The following FRMPD4 variants were observed in gnomAD, a reference collection of about 807,000 sequenced individuals.
FRMPD4 encodes FERM and PDZ domain containing 4.
In FRMPD4, 22 loss-of-function variants were observed where a neutral mutation model predicts 94.1. That is an observed-to-expected ratio of 0.23 (90% CI 0.17 to 0.33). The LOEUF is 0.33. Ranked by LOEUF, FRMPD4 falls within the 10% of genes least tolerant of loss-of-function variation. The pLI, the probability that FRMPD4 is intolerant of heterozygous loss-of-function variation, is 1.00. For missense variants in FRMPD4, 1,111 were observed against 1,339.9 expected, an observed-to-expected ratio of 0.83 and a Z score of 2.67; for synonymous variants, 631 against 548.6, an observed-to-expected ratio of 1.15 and a Z score of -2.10.
intron 1 of FRMPD4, among the ~76,000 whole-genome samples, chrX:12,416,160 T>C (rs780021183): frequency 3.6e-5 from 4 of 110,255 alleles, no homozygotes; most frequent in African/African-American, 1.3e-4. Context: ...TGTTTCTTTT[T>C]CTCCTCCCTT....
At position 12,613,664 on chromosome X, in the gene FRMPD4, A is replaced by C. The variant is rs778975513; in HGVS notation, c.320-1115A>C. ...ATTTTGAGACCAGCCTGGGCAACAC[A>C]GTGAGATCTTGTCTCTACAAAAAGT... is the stretch of plus-strand genomic sequence containing the variant. On this transcript the variant is annotated intron_variant, in intron 3 of 16. Coordinates refer to ENST00000675598, the MANE Select transcript of FRMPD4 (RefSeq NM_001368397.1). 2.7e-5 allele frequency among the ~76,000 whole-genome samples: 3 copies of C among 111,859 alleles called. No individual in the cohort carries two copies. In the South Asian group the frequency reaches 1.1e-3, roughly 42 times the overall value.
At chrX:12,640,206 C>T (rs757028467) in intron 4 of FRMPD4, among the ~76,000 whole-genome samples, 30 of 98,802 alleles carry the variant, frequency 3.0e-4, no homozygotes, top group African/African-American at 8.8e-4. Context: ...GGCTGAGGCA[C>T]GAGAATTGCT....
chrX:12,462,676 A>C (rs751325340), intron 1 of FRMPD4, among the ~76,000 whole-genome samples: 7 of 112,249 alleles, frequency 6.2e-5, no homozygotes, highest in Non-Finnish European at 1.3e-4. Flanking sequence ...TGAAACATTT[A>C]AGTATACATC....
chrX:12,611,780 T>C (rs1365911805), intron 3 of FRMPD4, among the ~76,000 whole-genome samples: 1 of 112,334 alleles, frequency 8.9e-6, no homozygotes, highest in African/African-American at 3.2e-5. Flanking sequence ...TTTCATTAAA[T>C]GTAGATCATA....
At chrX:12,474,346 C>CT (rs1264346111) in intron 1 of FRMPD4, among the ~76,000 whole-genome samples, 1 of 110,917 alleles carries the variant, frequency 9.0e-6, no homozygotes, top group Non-Finnish European at 1.9e-5. Flanking sequence ...TAAATGCCCA[C>CT]AAGAGAAAGC....
intron 3 of FRMPD4, among the ~76,000 whole-genome samples, chrX:11,960,834 G>T (rs769609603): frequency 1.8e-5 from 2 of 111,919 alleles, no homozygotes; most frequent in Non-Finnish European, 3.8e-5. Context: ...ACATATTTGA[G>T]TTAAATTGAA....
At chrX:11,843,133 T>A in intron 1 of FRMPD4, among the ~76,000 whole-genome samples, 1 of 112,213 alleles carries the variant, frequency 8.9e-6, no homozygotes, top group Non-Finnish European at 1.9e-5. Flanking sequence ...ATATACTTTC[T>A]ATTCCTAAGC....
At chrX:12,301,931 G>A (rs1054426997) in intron 1 of FRMPD4, among the ~76,000 whole-genome samples, 4 of 111,975 alleles carry the variant, frequency 3.6e-5, no homozygotes, top group African/African-American at 1.3e-4. Flanking sequence ...GGTACTCACT[G>A]TATGTAGCTT....
intron 3 of FRMPD4, among the ~76,000 whole-genome samples, chrX:11,907,273 C>T (rs1167208212): frequency 3.6e-5 from 4 of 110,401 alleles, no homozygotes; most frequent in Non-Finnish European, 7.6e-5. Context: ...ACTCAGAGTC[C>T]ATTAAAAAAA....
intron 3 of FRMPD4, among the ~76,000 whole-genome samples, chrX:12,081,039 C>T (rs1317892396): frequency 8.9e-6 from 1 of 111,813 alleles, no homozygotes; most frequent in East Asian, 2.8e-4. Flanking sequence ...CTTGCTTTTG[C>T]AAATTGGTTC....
intron 3 of FRMPD4, among the ~76,000 whole-genome samples, chrX:12,084,901 G>C (rs1456426452): frequency 8.9e-6 from 1 of 111,942 alleles, no homozygotes; most frequent in East Asian, 2.8e-4. Context: ...TTTAAATTTT[G>C]GTAGAGCGAG....
At chrX:12,417,071 T>A (rs777313372) in intron 1 of FRMPD4, among the ~76,000 whole-genome samples, 93 of 111,348 alleles carry the variant, frequency 8.4e-4, no homozygotes, top group African/African-American at 3.0e-3. Context: ...CTGACTCTTA[T>A]GTGTTCTATA....
intron 1 of FRMPD4, among the ~76,000 whole-genome samples, chrX:12,404,306 T>G (rs987917069): frequency 1.8e-5 from 2 of 112,049 alleles, no homozygotes; most frequent in African/African-American, 6.5e-5. Flanking sequence ...CAAAATATCT[T>G]TAAAAAGCTA....
chrX:12,633,786 G>C (rs2059418558), intron 4 of FRMPD4, among the ~76,000 whole-genome samples: 1 of 111,879 alleles, frequency 8.9e-6, no homozygotes, highest in South Asian at 3.7e-4. Context: ...ATTCCAATAA[G>C]ACTTCATTTT....
chrX:12,438,399 A>G (rs970506612), intron 1 of FRMPD4, among the ~76,000 whole-genome samples: 3 of 108,602 alleles, frequency 2.8e-5, no homozygotes, highest in African/African-American at 1.0e-4. Flanking sequence ...GGGCAATACT[A>G]GATTCATAGT....
intron 3 of FRMPD4, among the ~76,000 whole-genome samples, chrX:12,020,003 A>G (rs2054624355): frequency 8.9e-6 from 1 of 112,055 alleles, no homozygotes; most frequent in Non-Finnish European, 1.9e-5. Flanking sequence ...CAGAGAAAAT[A>G]AGTAACTTTC....
chrX:11,835,310 T>C (rs2053495407), intron 1 of FRMPD4, among the ~76,000 whole-genome samples: 1 of 112,200 alleles, frequency 8.9e-6, no homozygotes, highest in Non-Finnish European at 1.9e-5. Flanking sequence ...GGGAGCCTGT[T>C]ACTGTCATAT....
chrX:12,305,725 G>GTTTTT lies in FRMPD4; in HGVS notation c.41+166731_41+166735dup, dbSNP rs58794898. On this transcript the variant is annotated intron_variant, in intron 1 of 16. Coordinates refer to ENST00000675598, the MANE Select transcript of FRMPD4 (RefSeq NM_001368397.1). ...GGCATGTACCACCACAGCTGGCTAA[G>GTTTTT]TTTTTTTTTTTTTTTTTTTTTTACA... 3.2e-4 allele frequency among the ~76,000 whole-genome samples: 19 copies of GTTTTT among 59,700 alleles called. 2 individuals are homozygous for GTTTTT. The highest frequency in any genetic ancestry group is 8.9e-3 in the Middle Eastern group (1 of 112). 51.8% of individuals were successfully genotyped at this position (59,700 alleles called of 115,157 possible).
intron 1 of FRMPD4, among the ~76,000 whole-genome samples, chrX:12,466,352 T>G (rs1288807803): frequency 2.7e-5 from 3 of 112,307 alleles, no homozygotes; most frequent in African/African-American, 9.7e-5. Flanking sequence ...CATTTTCCAG[T>G]GCTGCTTTTG....
Sources: allele counts gnomAD v4.1 joint callset (sites outside exome capture counted in the v4.1 genomes callset), GRCh38; gene constraint gnomAD v4.1.1; transcripts MANE v1.5; gene names NCBI Gene and HGNC (gene_info 2026-07-23, HGNC 2026-07-21).